Variants in ZNF124 observed in about 807,000 individuals in gnomAD.
ZNF124 encodes zinc finger protein 124, also known as zinc finger protein HZF-16.
Under a neutral mutation model 26.6 loss-of-function variants are expected in ZNF124, and 25 were observed. The observed-to-expected ratio is 0.94, with a 90% CI of 0.68 to 1.31. ZNF124 has a LOEUF of 1.31. Among genes scored for constraint, ZNF124 ranks in the 40% most tolerant of loss-of-function variants. The probability of loss-of-function intolerance (pLI) is 0.00; values close to 1 mark genes in which losing one functional copy is unlikely to be tolerated. For missense variants in ZNF124, 444 were observed against 422.2 expected (o/e 1.05, Z -0.45); for synonymous variants, 129 against 133.3 (o/e 0.97, Z 0.22).
At chr1:247,137,225 G>A (rs1672504975) in intron 3 of ZNF124, among the ~76,000 whole-genome samples, 1 of 151,600 alleles carries the variant, frequency 6.6e-6, no homozygotes, top group Non-Finnish European at 1.5e-5. Context: ...TTCAGTAAAT[G>A]GTGCTAGGAA....
chr1:247,143,647 T>G (rs752521996), intron 3 of ZNF124, among the ~76,000 whole-genome samples: 1 of 152,184 alleles, frequency 6.6e-6, no homozygotes, highest in Non-Finnish European at 1.5e-5. Context: ...AGGGTAACTC[T>G]CTGAGCCAAC....
chr1:247,131,193 C>T (rs947290949), intron 3 of ZNF124, among the ~76,000 whole-genome samples: 11 of 152,220 alleles, frequency 7.2e-5, no homozygotes, highest in Non-Finnish European at 1.2e-4. Context: ...TGTGGTGCTG[C>T]GGCCCACCTG....
intron 3 of ZNF124, among the ~76,000 whole-genome samples, chr1:247,130,418 A>G (rs1672317141): frequency 6.6e-6 from 1 of 152,182 alleles, no homozygotes; most frequent in South Asian, 2.1e-4. Context: ...ATACGTTTTC[A>G]CAAGAAAGTA....
chr1:247,134,724 C>T (rs1163088525), intron 3 of ZNF124, among the ~76,000 whole-genome samples: 1 of 152,188 alleles, frequency 6.6e-6, no homozygotes, highest in Non-Finnish European at 1.5e-5. Context: ...ATATCCAGGA[C>T]TTGAACTCAG....
intron 1 of ZNF124, among the ~76,000 whole-genome samples, chr1:247,162,100 A>G (rs1378197863): frequency 6.6e-6 from 1 of 152,194 alleles, no homozygotes; most frequent in African/African-American, 2.4e-5. Flanking sequence ...TCTGCCTTAT[A>G]AGAGTTCCTA....
chr1:247,155,883 C>T lies in ZNF124; in HGVS notation c.*683G>A. The T allele has an allele frequency of 2.2e-6, 2 of 895,410 alleles. No homozygotes were observed. Among genetic ancestry groups the T allele is most frequent in the African/African-American group, 1.9e-5 (1 of 52,818 alleles). The allele number at this position is 895,410 out of a possible 1,614,324, so 55.5% of individuals were successfully genotyped here. On this transcript the variant is annotated 3_prime_UTR_variant, in exon 4 of 4. Coordinates refer to ENST00000543802, the MANE Select transcript of ZNF124 (RefSeq NM_001297568.2). ...CTCAAAAAAAAAAAAAAAAGTCTCA[C>T]CTCAATTTTTTTTTTTTCAAAAGAA...
chr1:247,161,710 G>A (rs745579273), intron 1 of ZNF124, among the ~76,000 whole-genome samples: 4 of 152,006 alleles, frequency 2.6e-5, no homozygotes, highest in Non-Finnish European at 4.4e-5. Context: ...TATGGAAAGA[G>A]ATCCATTTTC....
At chr1:247,124,246 C>T (rs959543101) in intron 3 of ZNF124, among the ~76,000 whole-genome samples, 1 of 151,866 alleles carries the variant, frequency 6.6e-6, no homozygotes, top group Non-Finnish European at 1.5e-5. Flanking sequence ...CTCTGTCGCC[C>T]AGGCTGGAGT....
chr1:247,154,080 C>T (rs1673021245), downstream of ZNF124, among the ~76,000 whole-genome samples: 1 of 151,660 alleles, frequency 6.6e-6, no homozygotes, highest in African/African-American at 2.4e-5. Flanking sequence ...ACCTAATTCT[C>T]CCCAGAGTGG....
chr1:247,146,843 C>T (rs1425604753), intron 3 of ZNF124, among the ~76,000 whole-genome samples: 2 of 152,120 alleles, frequency 1.3e-5, no homozygotes, highest in Non-Finnish European at 2.9e-5. Flanking sequence ...GTCCCAAGCC[C>T]GAATCTGTCT....
At chr1:247,142,295 G>C (rs1045474936) in intron 3 of ZNF124, among the ~76,000 whole-genome samples, 1 of 152,210 alleles carries the variant, frequency 6.6e-6, no homozygotes, top group Non-Finnish European at 1.5e-5. Flanking sequence ...AACAGAACCT[G>C]TGGTGGTTGT....
chr1:247,141,170 G>C (rs537737697), intron 3 of ZNF124, among the ~76,000 whole-genome samples: 1 of 152,178 alleles, frequency 6.6e-6, no homozygotes, highest in Non-Finnish European at 1.5e-5. Context: ...AGCAGGGGGA[G>C]TGGGTGGAAC....
downstream of ZNF124, among the ~76,000 whole-genome samples, chr1:247,151,639 C>G (rs936723534): frequency 6.6e-6 from 1 of 152,166 alleles, no homozygotes; most frequent in Non-Finnish European, 1.5e-5. Flanking sequence ...TACAACACAA[C>G]AATGTGATTA....
chr1:247,131,441 C>T (rs886138508), intron 3 of ZNF124, among the ~76,000 whole-genome samples: 2 of 152,182 alleles, frequency 1.3e-5, no homozygotes, highest in African/African-American at 4.8e-5. Flanking sequence ...GAGGGGCAAC[C>T]AGCACTGGCC....
chr1:247,140,833 C>T (rs1672607890), intron 3 of ZNF124, among the ~76,000 whole-genome samples: 1 of 152,106 alleles, frequency 6.6e-6, no homozygotes, highest in African/African-American at 2.4e-5. Context: ...TGTGGCTCCC[C>T]TATATTTTCT....
chr1:247,143,612 A>C (rs1473011356), intron 3 of ZNF124, among the ~76,000 whole-genome samples: 2 of 152,212 alleles, frequency 1.3e-5, no homozygotes, highest in Non-Finnish European at 2.9e-5. Flanking sequence ...ACAATGTTCT[A>C]ATTACTCCTG....
In ZNF124 at chr1:247,155,888, AT is replaced by A. The variant is rs35204815; in HGVS notation, c.*677del. 0.11 allele frequency: 78,946 copies of A among 722,482 alleles called. 2,581 individuals are homozygous for A. Among genetic ancestry groups the A allele is most frequent in the African/African-American group, 0.18 (9,128 of 50,056 alleles). The allele number at this position is 722,482 out of a possible 1,614,324, so 44.8% of individuals were successfully genotyped here. Reference sequence around the variant, plus strand: ...AAAAAAAAAAAAAAGTCTCACCTCAATTTTTTTTTTTTCAAAAGAAGTGAAA... The same window carrying A: ...AAAAAAAAAAAAAAGTCTCACCTCAATTTTTTTTTTTCAAAAGAAGTGAAA... On this transcript the variant is annotated 3_prime_UTR_variant, in exon 4 of 4. Coordinates refer to ENST00000543802, the MANE Select transcript of ZNF124 (RefSeq NM_001297568.2).
chr1:247,149,593 A>G (rs1361811586), intron 3 of ZNF124, among the ~76,000 whole-genome samples: 4 of 152,242 alleles, frequency 2.6e-5, no homozygotes, highest in Non-Finnish European at 5.9e-5. Flanking sequence ...CAGAAAGACA[A>G]ATGTTATATG....
At chr1:247,124,442 C>T (rs1341667739) in intron 3 of ZNF124, among the ~76,000 whole-genome samples, 1 of 151,676 alleles carries the variant, frequency 6.6e-6, no homozygotes, top group Non-Finnish European at 1.5e-5. Flanking sequence ...ACCTTGTGAT[C>T]TACCCGCCGC....
Sources: allele counts gnomAD v4.1 joint callset (sites outside exome capture counted in the v4.1 genomes callset), GRCh38; gene constraint gnomAD v4.1.1; transcripts MANE v1.5; gene names NCBI Gene and HGNC (gene_info 2026-07-23, HGNC 2026-07-21).